The following SCG5 variants were observed in gnomAD, a reference collection of about 807,000 sequenced individuals.
The protein encoded by SCG5 is neuroendocrine protein 7B2.
Under a neutral mutation model 25.7 loss-of-function variants are expected in SCG5, and 18 were observed. That is an observed-to-expected ratio of 0.70 (90% CI 0.48 to 1.04). The LOEUF (loss-of-function observed/expected upper bound fraction) is 1.04. Ranked by LOEUF, SCG5 falls within the 50% of genes least tolerant of loss-of-function variation. The probability of loss-of-function intolerance (pLI) is 0.00; values close to 1 mark genes in which losing one functional copy is unlikely to be tolerated. For missense variants in SCG5, 206 were observed against 259.8 expected (o/e 0.79, Z 1.42); for synonymous variants, 101 against 91.7 (o/e 1.10, Z -0.58).
intron 2 of SCG5, among the ~76,000 whole-genome samples, chr15:32,646,487 A>C (rs2053945909): frequency 1.3e-5 from 2 of 152,230 alleles, no homozygotes; most frequent in South Asian, 4.1e-4. Context: ...CATAGCTGGA[A>C]GGAGAATATC....
At chr15:32,662,847 G>T (rs2054243420) in intron 2 of SCG5, among the ~76,000 whole-genome samples, 1 of 151,412 alleles carries the variant, frequency 6.6e-6, no homozygotes, top group African/African-American at 2.4e-5. Context: ...TGTCTCTGGT[G>T]CAGGAGAGCG....
In SCG5 at chr15:32,696,796, AAG is replaced by A; in HGVS notation, c.*190_*191del. 1 of 434,270 alleles carries A rather than the reference AAG, an allele frequency of 2.3e-6. No homozygotes were observed. Among genetic ancestry groups the A allele is most frequent in the Admixed American group, 4.0e-5 (1 of 25,200 alleles). 26.9% of individuals were successfully genotyped at this position (434,270 alleles called of 1,614,324 possible). ...ATTCTGCTTTTTGCTAAATTAGAAT[AAG>A]AGCTTTTTTGTTTCTTGGGTTTTTA... On this transcript the variant is annotated 3_prime_UTR_variant, in exon 6 of 6. Coordinates refer to ENST00000300175, the MANE Select transcript of SCG5 (RefSeq NM_001144757.3).
intron 5 of SCG5, among the ~76,000 whole-genome samples, chr15:32,694,949 T>C (rs2054927471): frequency 1.3e-5 from 2 of 152,276 alleles, no homozygotes; most frequent in Non-Finnish European, 2.9e-5. Flanking sequence ...ACTCCATTCA[T>C]ACATGGGGAT....
chr15:32,692,292 A>T, intron 5 of SCG5: 2 of 984,946 alleles, frequency 2.0e-6, no homozygotes, highest in Non-Finnish European at 2.4e-6. Context: ...TGTAAAATCT[A>T]CTAGATCTGT....
At chr15:32,680,023 A>G in intron 3 of SCG5, 108 bp downstream of exon 3, 1 of 1,047,834 alleles carries the variant, frequency 9.5e-7, no homozygotes, top group Non-Finnish European at 1.4e-6. Context: ...TTCCATTCTG[A>G]TGAGCCCATG....
intron 4 of SCG5, among the ~76,000 whole-genome samples, chr15:32,690,464 A>C (rs1415335345): frequency 2.0e-5 from 3 of 152,234 alleles, no homozygotes; most frequent in Non-Finnish European, 2.9e-5. Flanking sequence ...TTCCTCAAGG[A>C]AATGATCTGC....
chr15:32,689,641 T>C lies in SCG5; in HGVS notation c.490-2069T>C, dbSNP rs529502690. ...GTGAGGAGAGATAGCTGATTTCTTTTCATTCAATTTGTATGCTTCTCTTAC... is the reference window on the plus strand; with the variant it reads ...GTGAGGAGAGATAGCTGATTTCTTTCCATTCAATTTGTATGCTTCTCTTAC... On this transcript the variant is annotated intron_variant, in intron 4 of 5. Coordinates refer to ENST00000300175, the MANE Select transcript of SCG5 (RefSeq NM_001144757.3). 2.0e-5 allele frequency among the ~76,000 whole-genome samples: 3 copies of C among 152,290 alleles called. No individual in the cohort carries two copies. The South Asian group carries it at 6.2e-4, about 32-fold the overall frequency.
chr15:32,666,165 A>G (rs964826862), intron 2 of SCG5, among the ~76,000 whole-genome samples: 1 of 152,216 alleles, frequency 6.6e-6, no homozygotes, highest in Non-Finnish European at 1.5e-5. Context: ...TGATGGCTAC[A>G]GCTCTAAAAT....
At chr15:32,648,200 C>T (rs1355248463) in intron 2 of SCG5, among the ~76,000 whole-genome samples, 1 of 152,136 alleles carries the variant, frequency 6.6e-6, no homozygotes, top group Non-Finnish European at 1.5e-5. Context: ...TTCTCCATCA[C>T]ACTTCATGCC....
chr15:32,680,279 T>G (rs1010000268), intron 3 of SCG5, among the ~76,000 whole-genome samples: 23 of 149,336 alleles, frequency 1.5e-4, no homozygotes, highest in African/African-American at 5.2e-4. Context: ...CACTGCACGC[T>G]CCGCCTCCCA....
chr15:32,686,142 C>T (rs2140587308), intron 4 of SCG5, among the ~76,000 whole-genome samples: 1 of 152,332 alleles, frequency 6.6e-6, no homozygotes, highest in Non-Finnish European at 1.5e-5. Flanking sequence ...TATTCCATTT[C>T]CTTCTTTTTC....
intron 2 of SCG5, among the ~76,000 whole-genome samples, chr15:32,661,222 C>T (rs1047666337): frequency 3.9e-5 from 6 of 152,190 alleles, no homozygotes; most frequent in African/African-American, 9.7e-5. Context: ...TTTACACCCT[C>T]GGTACCATTT....
At chr15:32,687,925 A>C (rs2054748814) in intron 4 of SCG5, among the ~76,000 whole-genome samples, 1 of 152,222 alleles carries the variant, frequency 6.6e-6, no homozygotes, top group Admixed American at 6.5e-5. Context: ...TACAATAGTA[A>C]ATAGTAATAT....
At chr15:32,694,985 C>T (rs942167963) in intron 5 of SCG5, among the ~76,000 whole-genome samples, 3 of 151,226 alleles carry the variant, frequency 2.0e-5, no homozygotes, top group Non-Finnish European at 1.5e-5. Context: ...GATTGCTGAT[C>T]GTTTGTAACT....
intron 4 of SCG5, among the ~76,000 whole-genome samples, chr15:32,690,635 A>C (rs1438546101): frequency 6.6e-6 from 1 of 152,186 alleles, no homozygotes; most frequent in Non-Finnish European, 1.5e-5. Flanking sequence ...ATGCATTGTA[A>C]ATTGCAGGTG....
intron 2 of SCG5, among the ~76,000 whole-genome samples, chr15:32,667,051 G>A (rs1039291687): frequency 1.8e-4 from 28 of 152,118 alleles, no homozygotes; most frequent in African/African-American, 6.3e-4. Context: ...AGTCTCTTTG[G>A]CAATTCTTTA....
intron 5 of SCG5, among the ~76,000 whole-genome samples, chr15:32,694,920 G>C (rs2140620589): frequency 6.6e-6 from 1 of 152,312 alleles, no homozygotes; most frequent in Non-Finnish European, 1.5e-5. Context: ...ATGGGCAAGA[G>C]AGCTCCACCT....
chr15:32,684,591 T>C lies in SCG5; in HGVS notation c.411T>C (p.Thr137=), dbSNP rs369866244. Residue 137 remains threonine (T), a synonymous_variant, in exon 4 of 6, where the codon ACT becomes ACC. Transcript: ENST00000300175. ...DDGCLENTPD[T]AEFSREFQLH... ...GATGTCTAGAAAACACCCCTGACAC[T>C]GCAGAGTTCAGTCGAGAGTTCCAGT... The C allele has an allele frequency of 1.9e-6, 3 of 1,613,758 alleles. No individual in the cohort carries two copies. The highest frequency in any genetic ancestry group is 2.5e-6 in the Non-Finnish European group (3 of 1,179,748).
At chr15:32,679,945 A>G (rs1245637563) in intron 3 of SCG5, 30 bp downstream of exon 3, 1 of 1,567,548 alleles carries the variant, frequency 6.4e-7, no homozygotes, top group Non-Finnish European at 8.6e-7. Context: ...GTTCCCATGA[A>G]AAGTTGGGGC....
Sources: gnomAD v4.1 joint callset for allele counts (sites outside exome capture counted in the v4.1 genomes callset) on GRCh38, gnomAD v4.1.1 for gene constraint, MANE v1.5 for transcripts, NCBI Gene and HGNC (gene_info 2026-07-23, HGNC 2026-07-21) for gene names.